Variants in GSN observed in about 807,000 individuals in gnomAD.
GSN encodes gelsolin.
Under a neutral mutation model 85.7 loss-of-function variants are expected in GSN, and 56 were observed. The ratio of observed to expected loss-of-function variants is 0.65; its 90% CI spans 0.53 to 0.82. The LOEUF is 0.82. Among genes scored for constraint, GSN ranks in the 40% least tolerant of loss-of-function variants. The probability of loss-of-function intolerance (pLI) is 0.00; values close to 1 mark genes in which losing one functional copy is unlikely to be tolerated. For missense variants in GSN, 857 were observed against 979.8 expected (o/e 0.87, Z 1.67); for synonymous variants, 373 against 399.1 (o/e 0.93, Z 0.78).
chr9:121,268,782 G>C (rs1208152371), intron 1 of GSN, among the ~76,000 whole-genome samples: 1 of 152,210 alleles, frequency 6.6e-6, no homozygotes, highest in African/African-American at 2.4e-5. Flanking sequence ...GCCCTGCAGT[G>C]TTCCCTTCCC....
intron 10 of GSN, among the ~76,000 whole-genome samples, chr9:121,319,236 G>A (rs763301171): frequency 2.6e-5 from 4 of 152,184 alleles, no homozygotes; most frequent in Non-Finnish European, 4.4e-5. Flanking sequence ...CTTTGGGTTG[G>A]GTCTCAGAGG....
In GSN at chr9:121,312,411, A is replaced by G. The variant is rs1443435223; in HGVS notation, c.586A>G (p.Ile196Val). ...RLKATQVSKG[I>V]RDNERSGRAR... ...GAAGGCCACACAGGTGTCCAAGGGC[A>G]TCCGGGACAACGAGCGGAGTGGCCG... The change falls in exon 6 of 18, where the codon ATC (isoleucine) becomes GTC (valine). Residue 196 changes from isoleucine to valine, a missense_variant. Physicochemically the swap from Ile to Val is conservative, Grantham distance 29. Coordinates refer to ENST00000432226, the MANE Select transcript of GSN (RefSeq NM_198252.3). The G allele has an allele frequency of 2.5e-6, 4 of 1,614,026 alleles. No homozygotes were observed. Among genetic ancestry groups the G allele is most frequent in the Admixed American group, 1.7e-5 (1 of 60,032 alleles).
chr9:121,219,229 C>T (rs1476143735), intron 4 of GSN, among the ~76,000 whole-genome samples: 2 of 151,720 alleles, frequency 1.3e-5, no homozygotes, highest in African/African-American at 4.8e-5. Context: ...CCCCAAAACA[C>T]ACCAAATACC....
chr9:121,291,992 G>A (rs779323333), intron 2 of GSN, among the ~76,000 whole-genome samples: 1 of 152,076 alleles, frequency 6.6e-6, no homozygotes, highest in Non-Finnish European at 1.5e-5. Context: ...GACTTCCCAG[G>A]CTCAAGTGAT....
At chr9:121,228,326 C>T (rs905200017) in intron 4 of GSN, among the ~76,000 whole-genome samples, 3 of 149,582 alleles carry the variant, frequency 2.0e-5, no homozygotes, top group African/African-American at 7.5e-5. Context: ...ACTGTTACCC[C>T]CCAGTTCTAT....
At chr9:121,201,601 G>C in the GSN span, 1 of 152,358 alleles carries the variant, frequency 6.6e-6, no homozygotes, top group Non-Finnish European at 1.5e-5. Context: ...GCGCGAGGAG[G>C]TATCAGCCGG....
chr9:121,253,524 G>A (rs911201284), intron 6 of GSN, among the ~76,000 whole-genome samples: 1 of 152,174 alleles, frequency 6.6e-6, no homozygotes, highest in Non-Finnish European at 1.5e-5. Flanking sequence ...GCAGCATTAT[G>A]TAGGTATCAG....
At chr9:121,316,671 A>G (rs1445468468) in intron 7 of GSN, among the ~76,000 whole-genome samples, 2 of 152,116 alleles carry the variant, frequency 1.3e-5, no homozygotes, top group Non-Finnish European at 2.9e-5. Flanking sequence ...GGATCTTGCC[A>G]TGTTGCCCAG....
rs780898402 is a variant in GSN, at chr9:121,313,961, G to T, written c.691G>T (p.Ala231Ser). 1 of 1,614,182 alleles carries T rather than the reference G, an allele frequency of 6.2e-7. No individual in the cohort carries two copies. Among genetic ancestry groups the T allele is most frequent in the Admixed American group, 1.7e-5 (1 of 60,034 alleles). ...GCTGGGCCCCAAGCCGGCTCTGCCT[G>T]CAGGTACCGAGGACACCGCCAAGGA... ...QVLGPKPALP[A>S]GTEDTAKEDA... Residue 231 changes from alanine to serine, a missense_variant, in exon 7 of 18, where the codon GCA becomes TCA. Ala to Ser is a moderately conservative substitution (Grantham distance 99, BLOSUM62 1). Transcript: ENST00000432226.
At chr9:121,258,146 C>T (rs2055005894) in intron 6 of GSN, among the ~76,000 whole-genome samples, 1 of 152,168 alleles carries the variant, frequency 6.6e-6, no homozygotes, top group Admixed American at 6.5e-5. Context: ...ATATCTGGTG[C>T]TATGCTCTGA....
chr9:121,264,910 C>T (rs1367180327), upstream of GSN, among the ~76,000 whole-genome samples: 1 of 152,220 alleles, frequency 6.6e-6, no homozygotes, highest in African/African-American at 2.4e-5. Context: ...CAGCTTGCTG[C>T]TGGTAAAAGC....
intron 5 of GSN, among the ~76,000 whole-genome samples, chr9:121,248,052 G>A (rs2054738754): frequency 6.6e-6 from 1 of 152,160 alleles, no homozygotes; most frequent in Non-Finnish European, 1.5e-5. Flanking sequence ...TCCCAACAAA[G>A]GGAGTTAGAT....
In GSN at chr9:121,299,568, G is replaced by A. The variant is rs1327009786; in HGVS notation, c.-9-2395G>A. On this transcript the variant is annotated intron_variant, in intron 2 of 17. Coordinates refer to ENST00000432226, the MANE Select transcript of GSN (RefSeq NM_198252.3). This position sits in a 1 kb window ranked among gnomAD's most constrained non-coding sequence, Gnocchi z 4.2. ...GCTCGCGTGCGTCGCAGGAGGCTCA[G>A]CTGGGCTCGCCGCCGCTCGTGCCTG... 4.2e-6 allele frequency: 3 copies of A among 709,328 alleles called. No individual in the cohort carries two copies. The highest frequency in any genetic ancestry group is 3.8e-5 in the African/African-American group (2 of 51,958). 43.9% of individuals were successfully genotyped at this position (709,328 alleles called of 1,614,324 possible). A position where few individuals can be genotyped will look rare whatever the true frequency, so the allele number is the denominator to read the frequency against.
At chr9:121,316,135 C>T (rs1451602826) in intron 7 of GSN, among the ~76,000 whole-genome samples, 1 of 152,176 alleles carries the variant, frequency 6.6e-6, no homozygotes, top group South Asian at 2.1e-4. Context: ...CAGAGCCTTG[C>T]CAACTGGATA....
At chr9:121,313,632 G>A (rs2061407420) in intron 6 of GSN, 1 of 455,736 alleles carries the variant, frequency 2.2e-6, no homozygotes, top group East Asian at 4.3e-5. Context: ...GGCGGTAGAA[G>A]GTGTTCAGTA....
chr9:121,235,136 T>TGC (rs2054468140), intron 5 of GSN, among the ~76,000 whole-genome samples: 2 of 152,186 alleles, frequency 1.3e-5, no homozygotes, highest in South Asian at 4.1e-4. Context: ...TCACTGAAAT[T>TGC]CAGCAACTCC....
intron 2 of GSN, chr9:121,282,618 C>A: frequency 1.2e-6 from 1 of 827,232 alleles, no homozygotes; most frequent in Non-Finnish European, 1.7e-6. Flanking sequence ...AAAAGGTCTG[C>A]CGGGCCCAGA....
At chr9:121,266,812 C>G (rs1397904772), upstream of GSN, among the ~76,000 whole-genome samples, 1 of 152,148 alleles carries the variant, frequency 6.6e-6, no homozygotes, top group Non-Finnish European at 1.5e-5. Context: ...ATGAGGCATT[C>G]AAGAAATGGT....
At chr9:121,255,711 A>C (rs1380528736) in intron 6 of GSN, among the ~76,000 whole-genome samples, 1 of 152,170 alleles carries the variant, frequency 6.6e-6, no homozygotes, top group African/African-American at 2.4e-5. Flanking sequence ...TATTTAAATA[A>C]ATTTATTTAA....
Sources: gnomAD v4.1 joint callset for allele counts (sites outside exome capture counted in the v4.1 genomes callset) on GRCh38, gnomAD v4.1.1 for gene constraint, Gnocchi (gnomAD v3.1) non-coding constraint, MANE v1.5 for transcripts, NCBI Gene and HGNC (gene_info 2026-07-23, HGNC 2026-07-21) for gene names.